The following BAZ2B variants were observed in gnomAD, a reference collection of about 807,000 sequenced individuals.
BAZ2B encodes bromodomain adjacent to zinc finger domain protein 2B.
A neutral mutation model predicts 246.0 loss-of-function variants in BAZ2B; 91 were observed. The observed-to-expected ratio is 0.37, with a 90% CI of 0.31 to 0.44. The LOEUF is 0.44. BAZ2B is among the 20% of genes least tolerant of loss of function. The pLI, the probability that BAZ2B is intolerant of heterozygous loss-of-function variation, is 1.00. For synonymous variants in BAZ2B, 855 were observed against 860.0 expected (o/e 0.99, Z 0.10); for missense variants, 2,332 against 2,533.7 (o/e 0.92, Z 1.71).
chr2:159,523,522 A>G (rs191954740), intron 2 of BAZ2B, among the ~76,000 whole-genome samples: 7 of 152,074 alleles, frequency 4.6e-5, no homozygotes, highest in African/African-American at 1.7e-4. Flanking sequence ...TGGCCAACAT[A>G]GTGAAACCCT....
intron 25 of BAZ2B, among the ~76,000 whole-genome samples, chr2:159,379,956 TTA>T (rs1412699682): frequency 1.3e-5 from 2 of 152,044 alleles, no homozygotes; most frequent in Non-Finnish European, 2.9e-5. Flanking sequence ...CTTCAATCTT[TTA>T]TATGTGTCCA....
intron 2 of BAZ2B, among the ~76,000 whole-genome samples, chr2:159,509,216 A>G (rs1391382903): frequency 6.6e-6 from 1 of 152,174 alleles, no homozygotes; most frequent in African/African-American, 2.4e-5. Context: ...CCAGTCAGAT[A>G]TAATTCAGTG....
intron 2 of BAZ2B, among the ~76,000 whole-genome samples, chr2:159,529,010 G>GC: frequency 6.6e-6 from 1 of 151,554 alleles, no homozygotes; most frequent in Non-Finnish European, 1.5e-5. Flanking sequence ...TATACCTAAT[G>GC]TAAATGACGA....
downstream of BAZ2B, among the ~76,000 whole-genome samples, chr2:159,317,482 T>C (rs1325016292): frequency 6.6e-6 from 1 of 152,244 alleles, no homozygotes; most frequent in Non-Finnish European, 1.5e-5. Flanking sequence ...ATTTTCACTG[T>C]GGTTAACAAC....
At chr2:159,567,622 C>T (rs552356863) in intron 1 of BAZ2B, among the ~76,000 whole-genome samples, 1 of 152,242 alleles carries the variant, frequency 6.6e-6, no homozygotes, top group African/African-American at 2.4e-5. Flanking sequence ...GATGAGTTTG[C>T]AATATCCAGA....
intron 2 of BAZ2B, among the ~76,000 whole-genome samples, chr2:159,480,655 A>G (rs1014487846): frequency 2.0e-5 from 3 of 152,078 alleles, no homozygotes; most frequent in Non-Finnish European, 4.4e-5. Flanking sequence ...TTGCTACAGT[A>G]CTGCTTAAAA....
intron 1 of BAZ2B, among the ~76,000 whole-genome samples, chr2:159,599,566 C>T (rs1004646068): frequency 1.7e-4 from 26 of 150,502 alleles, no homozygotes; most frequent in African/African-American, 2.4e-4. Flanking sequence ...TGCTGTGGGC[C>T]GACATTGTGC....
intron 14 of BAZ2B, 21 bp downstream of exon 14, chr2:159,412,314 C>T (rs748358459): frequency 8.8e-5 from 142 of 1,607,626 alleles, no homozygotes; most frequent in Non-Finnish European, 1.2e-4. Context: ...TTATTAGTGT[C>T]AGACACATTA....
At chr2:159,615,242 T>C (rs1695654007) in intron 1 of BAZ2B, 1 of 115,482 alleles carries the variant, frequency 8.7e-6, no homozygotes, top group African/African-American at 3.3e-5. Context: ...CTGGGGTTCG[T>C]GAAACTACTT....
At chr2:159,544,744 A>C (rs746611467) in intron 2 of BAZ2B, among the ~76,000 whole-genome samples, 2 of 152,204 alleles carry the variant, frequency 1.3e-5, no homozygotes, top group Non-Finnish European at 2.9e-5. Flanking sequence ...GCATTGGGTA[A>C]GGAGAGGTAG....
chr2:159,410,971 T>C (rs1339566945), intron 14 of BAZ2B, among the ~76,000 whole-genome samples: 1 of 152,214 alleles, frequency 6.6e-6, no homozygotes, highest in Non-Finnish European at 1.5e-5. Flanking sequence ...TGTGTATGTG[T>C]GTACATATTT....
At chr2:159,539,622 A>T (rs2086414718) in intron 2 of BAZ2B, among the ~76,000 whole-genome samples, 1 of 152,206 alleles carries the variant, frequency 6.6e-6, no homozygotes, top group African/African-American at 2.4e-5. Context: ...CTGTAATCCC[A>T]GCACTTGGAG....
chr2:159,356,135 C>G (rs1472402034), intron 27 of BAZ2B, among the ~76,000 whole-genome samples: 1 of 152,078 alleles, frequency 6.6e-6, no homozygotes, highest in Non-Finnish European at 1.5e-5. Flanking sequence ...GCCAGCGAGA[C>G]AGAACCATTC....
intron 2 of BAZ2B, among the ~76,000 whole-genome samples, chr2:159,524,937 G>T (rs1373744948): frequency 6.6e-6 from 1 of 152,026 alleles, no homozygotes; most frequent in Non-Finnish European, 1.5e-5. Flanking sequence ...GGTAGTCCCA[G>T]CTACTCAGGA....
the BAZ2B span, among the ~76,000 whole-genome samples, chr2:159,636,931 A>T: frequency 6.6e-6 from 1 of 152,206 alleles, no homozygotes; most frequent in African/African-American, 2.4e-5. Flanking sequence ...ACATTTCTAG[A>T]CATACCCTGG....
intron 2 of BAZ2B, among the ~76,000 whole-genome samples, chr2:159,499,389 TG>T (rs2081476659): frequency 6.6e-6 from 1 of 152,200 alleles, no homozygotes; most frequent in Non-Finnish European, 1.5e-5. Flanking sequence ...TATTCCATGG[TG>T]TATGTACCAC....
At chr2:159,681,877 A>G in the BAZ2B span, among the ~76,000 whole-genome samples, 1 of 152,202 alleles carries the variant, frequency 6.6e-6, no homozygotes, top group Non-Finnish European at 1.5e-5. Flanking sequence ...GTGAGCTGAG[A>G]TCACGCCACT....
At chr2:159,590,225 A>C (rs1280088587) in intron 1 of BAZ2B, among the ~76,000 whole-genome samples, 2 of 114,022 alleles carry the variant, frequency 1.8e-5, no homozygotes, top group Non-Finnish European at 3.8e-5. Flanking sequence ...AAAAAAAAAA[A>C]AAAAAACAAC....
In BAZ2B at chr2:159,602,411, A is replaced by T. The variant is rs554030810; in HGVS notation, c.-46+13831T>A. ...AATTCTTGAAATCTAGTTGTTAAAA[A>T]CAATCATTATTAATTAAATTATATA... is the stretch of plus-strand genomic sequence containing the variant. On this transcript the variant is annotated intron_variant, in intron 1 of 36. Coordinates refer to ENST00000392783, the MANE Select transcript of BAZ2B (RefSeq NM_013450.4). Among the ~76,000 whole-genome samples, 10 of 152,328 alleles carry T rather than the reference A, an allele frequency of 6.6e-5. No homozygotes were observed. The South Asian group carries it at 2.1e-3, about 32-fold the overall frequency.
Sources: allele counts gnomAD v4.1 joint callset (sites outside exome capture counted in the v4.1 genomes callset), GRCh38; gene constraint gnomAD v4.1.1; transcripts MANE v1.5; gene names NCBI Gene and HGNC (gene_info 2026-07-23, HGNC 2026-07-21).